HS6ST3: variants seen among roughly 807,000 people sequenced by gnomAD.
HS6ST3 encodes the protein heparan sulfate 6-O-sulfotransferase 3.
In HS6ST3, 12 loss-of-function variants were observed where a neutral mutation model predicts 36.7. The ratio of observed to expected loss-of-function variants is 0.33; its 90% confidence interval spans 0.21 to 0.53. HS6ST3 has a LOEUF of 0.53. HS6ST3 is among the 20% of genes least tolerant of loss of function. The probability of loss-of-function intolerance (pLI) is 0.95; values close to 1 mark genes in which losing one functional copy is unlikely to be tolerated. For missense variants in HS6ST3, 584 were observed against 640.9 expected (o/e 0.91, Z 0.96); for synonymous variants, 240 against 257.5 (o/e 0.93, Z 0.65).
chr13:96,173,738 G>T (rs1324295416), intron 1 of HS6ST3, among the ~76,000 whole-genome samples: 1 of 149,002 alleles, frequency 6.7e-6, no homozygotes, highest in Non-Finnish European at 1.5e-5. Context: ...AAGAAAGAGA[G>T]ATCATTTTCA....
At chr13:96,193,381 C>A (rs1233023187) in intron 1 of HS6ST3, among the ~76,000 whole-genome samples, 3 of 152,100 alleles carry the variant, frequency 2.0e-5, no homozygotes, top group Non-Finnish European at 4.4e-5. Context: ...TTGGGGATGT[C>A]ATTAAGGTAG....
At chr13:96,181,902 T>C (rs544944208) in intron 1 of HS6ST3, among the ~76,000 whole-genome samples, 17 of 152,364 alleles carry the variant, frequency 1.1e-4, no homozygotes, top group African/African-American at 4.1e-4. Flanking sequence ...ATTTACTTGA[T>C]GATTTTTACG....
At chr13:96,789,368 T>C (rs1395608728) in intron 1 of HS6ST3, among the ~76,000 whole-genome samples, 2 of 151,808 alleles carry the variant, frequency 1.3e-5, no homozygotes, top group African/African-American at 2.4e-5. Context: ...GAAACCCCAG[T>C]CTGACAATGT....
Position 96,838,614 on chromosome 13 carries a change from C to G in HS6ST3, c.*5416C>G, listed in dbSNP as rs781634920. 7 of 152,424 alleles carry G rather than the reference C, an allele frequency of 4.6e-5. No individual in the cohort carries two copies. Among genetic ancestry groups the G allele is most frequent in the Non-Finnish European group, 8.8e-5 (6 of 68,242 alleles). The allele number at this position is 152,424 out of a possible 1,614,324, so 9.4% of individuals were successfully genotyped here. A position where few individuals can be genotyped will look rare whatever the true frequency, so the allele number is the denominator to read the frequency against. On this transcript the variant is annotated 3_prime_UTR_variant, in exon 2 of 2. Coordinates refer to ENST00000376705, the MANE Select transcript of HS6ST3 (RefSeq NM_153456.4). ...AGGCACTTTCGGCCTTCCTTCTTCT[C>G]CCCTTCCGCCATCTCCACTGGACAT...
chr13:96,393,130 A>G (rs2055404446), intron 1 of HS6ST3, among the ~76,000 whole-genome samples: 1 of 152,072 alleles, frequency 6.6e-6, no homozygotes, highest in African/African-American at 2.4e-5. Flanking sequence ...GCCATGTAAG[A>G]CGTGCCTTTC....
At chr13:96,194,019 A>G (rs1250368361) in intron 1 of HS6ST3, among the ~76,000 whole-genome samples, 12 of 152,310 alleles carry the variant, frequency 7.9e-5, no homozygotes, top group East Asian at 3.9e-4. Flanking sequence ...TTGGACGTTT[A>G]CAATGGGCTA....
intron 1 of HS6ST3, among the ~76,000 whole-genome samples, chr13:96,210,820 C>T (rs1187891196): frequency 6.6e-5 from 10 of 151,900 alleles, no homozygotes; most frequent in African/African-American, 2.2e-4. Flanking sequence ...TCGCAAACTC[C>T]TGGGCTCAAG....
chr13:96,718,691 A>G (rs1049810579), intron 1 of HS6ST3, among the ~76,000 whole-genome samples: 1 of 152,238 alleles, frequency 6.6e-6, no homozygotes, highest in African/African-American at 2.4e-5. Flanking sequence ...ATAATGACTA[A>G]TACAACTCCC....
At chr13:96,446,607 G>T (rs779141571) in intron 1 of HS6ST3, among the ~76,000 whole-genome samples, 9 of 152,214 alleles carry the variant, frequency 5.9e-5, no homozygotes, top group Non-Finnish European at 4.4e-5. Flanking sequence ...TTATTCTGGC[G>T]GTTTCTTTTT....
At chr13:96,624,163 A>G (rs992141535) in intron 1 of HS6ST3, among the ~76,000 whole-genome samples, 23 of 152,240 alleles carry the variant, frequency 1.5e-4, no homozygotes, top group African/African-American at 3.9e-4. Context: ...AGGTGTGTGT[A>G]TATATATATT....
chr13:96,092,236 C>A (rs117370969), intron 1 of HS6ST3, among the ~76,000 whole-genome samples: 3,462 of 152,252 alleles, frequency 0.023, 50 homozygotes, highest in Non-Finnish European at 0.037. Context: ...TCTTCCTAGG[C>A]CATTACATCA....
chr13:96,632,664 A>G (rs2056536085), intron 1 of HS6ST3, among the ~76,000 whole-genome samples: 1 of 152,204 alleles, frequency 6.6e-6, no homozygotes, highest in African/African-American at 2.4e-5. Flanking sequence ...ACATTTAGCT[A>G]TGGCCTGCTG....
chr13:96,775,799 G>A (rs1302440871), intron 1 of HS6ST3, among the ~76,000 whole-genome samples: 3 of 152,064 alleles, frequency 2.0e-5, no homozygotes, highest in African/African-American at 7.2e-5. Context: ...AAATTAACAA[G>A]GATATTCAGG....
At chr13:96,502,693 C>A (rs1383890903) in intron 1 of HS6ST3, among the ~76,000 whole-genome samples, 1 of 152,080 alleles carries the variant, frequency 6.6e-6, no homozygotes, top group East Asian at 1.9e-4. Context: ...TCTTCTAATG[C>A]CCATGTCTGG....
intron 1 of HS6ST3, among the ~76,000 whole-genome samples, chr13:96,480,107 GTTTA>G (rs1224717597): frequency 6.6e-6 from 1 of 152,018 alleles, no homozygotes; most frequent in Admixed American, 6.6e-5. Context: ...CTCTCCATTT[GTTTA>G]TTTGTTTGTT....
intron 1 of HS6ST3, among the ~76,000 whole-genome samples, chr13:96,470,757 A>G (rs1009712730): frequency 3.9e-5 from 6 of 152,080 alleles, no homozygotes; most frequent in African/African-American, 1.4e-4. Context: ...TTTTTTGCTC[A>G]GTTGCGAGGC....
chr13:96,301,408 A>G lies in HS6ST3; in HGVS notation c.707+209839A>G, dbSNP rs76430062. On this transcript the variant is annotated intron_variant, in intron 1 of 1. Transcript: ENST00000376705. The stretch of plus-strand genomic sequence containing the variant: ...GCCTATCAGACTGATCCAAATGTTC[A>G]GGTTGTAAAGGGGAATGTAGGGGTG... Among the ~76,000 whole-genome samples the G allele has an allele frequency of 6.2e-4, 94 of 152,232 alleles. No individual in the cohort carries two copies. The East Asian group carries it at 0.018, about 29-fold the overall frequency.
chr13:96,101,529 A>G (rs373751561), intron 1 of HS6ST3, among the ~76,000 whole-genome samples: 1 of 152,052 alleles, frequency 6.6e-6, no homozygotes, highest in East Asian at 1.9e-4. Flanking sequence ...AATACTAGAT[A>G]CTAAAAATAT....
chr13:96,447,179 A>G (rs2055703183), intron 1 of HS6ST3, among the ~76,000 whole-genome samples: 1 of 152,090 alleles, frequency 6.6e-6, no homozygotes, highest in South Asian at 2.1e-4. Context: ...AAGCAGCTGA[A>G]CGATTTCTGG....
Sources: gnomAD v4.1 joint callset for allele counts (sites outside exome capture counted in the v4.1 genomes callset) on GRCh38, gnomAD v4.1.1 for gene constraint, MANE v1.5 for transcripts, NCBI Gene and HGNC (gene_info 2026-07-23, HGNC 2026-07-21) for gene names.